The following GABRB3 variants were observed in gnomAD, a reference collection of about 807,000 sequenced individuals.
GABRB3 encodes gamma-aminobutyric acid receptor subunit beta-3.
A neutral mutation model predicts 52.1 loss-of-function variants in GABRB3; 14 were observed. The observed-to-expected ratio is 0.27, with a 90% CI of 0.18 to 0.42. The LOEUF is 0.42. Ranked by LOEUF, GABRB3 falls within the 10% of genes least tolerant of loss-of-function variation. GABRB3 has a pLI of 1.00. For missense variants in GABRB3, 307 were observed against 609.1 expected (o/e 0.50, Z 5.22); for synonymous variants, 260 against 232.3 (o/e 1.12, Z -1.08).
At chr15:26,752,844 G>T (rs781303456) in intron 3 of GABRB3, among the ~76,000 whole-genome samples, 12 of 152,014 alleles carry the variant, frequency 7.9e-5, no homozygotes, top group South Asian at 2.1e-4. Flanking sequence ...GACGCTACAC[G>T]CCAGGACAAC....
chr15:26,746,130 T>C (rs564797387), intron 3 of GABRB3, among the ~76,000 whole-genome samples: 13 of 152,368 alleles, frequency 8.5e-5, no homozygotes, highest in African/African-American at 3.1e-4. Flanking sequence ...GTGTCACTTT[T>C]TTTTTATTAT....
intron 3 of GABRB3, among the ~76,000 whole-genome samples, chr15:26,755,297 A>G (rs1454250817): frequency 6.6e-6 from 1 of 151,896 alleles, no homozygotes; most frequent in African/African-American, 2.4e-5. Flanking sequence ...GAGCCACCGC[A>G]CCCGGCCACC....
At chr15:26,701,571 A>G (rs1888937636) in intron 3 of GABRB3, among the ~76,000 whole-genome samples, 1 of 152,244 alleles carries the variant, frequency 6.6e-6, no homozygotes, top group African/African-American at 2.4e-5. Flanking sequence ...CAAATATTTC[A>G]GAGAAATTTT....
rs928704794 is a variant in GABRB3 at position 26,716,580 on chromosome 15, G to C, written c.240+55822C>G. ...CGTCTTCACCAACTTCTCACAGCCT[G>C]CCTCACATCAACTTGTGAATCCCAC... is the stretch of plus-strand genomic sequence containing the variant. On this transcript the variant is annotated intron_variant, in intron 3 of 8. Transcript: ENST00000311550. 3 of 992,614 alleles carry C rather than the reference G, an allele frequency of 3.0e-6. No individual in the cohort carries two copies. In the African/African-American group the frequency reaches 5.2e-5, roughly 17 times the overall value. The allele number at this position is 992,614 out of a possible 1,614,324, so 61.5% of individuals were successfully genotyped here.
At chr15:26,695,604 G>C (rs1296674012) in intron 3 of GABRB3, among the ~76,000 whole-genome samples, 2 of 151,526 alleles carry the variant, frequency 1.3e-5, no homozygotes, top group Non-Finnish European at 2.9e-5. Context: ...GTTCTTCAGA[G>C]AGAAAAAAAA....
rs116471333 is a variant in GABRB3 at position 26,643,549 on chromosome 15, C to T, written c.241-22015G>A. 1.7e-3 allele frequency among the ~76,000 whole-genome samples: 262 copies of T among 151,222 alleles called. 3 individuals are homozygous for T. Among genetic ancestry groups the T allele is most frequent in the African/African-American group, 6.1e-3 (249 of 41,106 alleles). ...CTCCCTCCCATGACACAGAGGTCAACGCTCCTATCATCAGCATTCTCTTTG... is the reference window on the plus strand; with the variant it reads ...CTCCCTCCCATGACACAGAGGTCAATGCTCCTATCATCAGCATTCTCTTTG... On this transcript the variant is annotated intron_variant, in intron 3 of 8. Transcript: ENST00000311550.
chr15:26,760,112 C>T (rs1890774081), intron 3 of GABRB3, among the ~76,000 whole-genome samples: 1 of 152,114 alleles, frequency 6.6e-6, no homozygotes, highest in Non-Finnish European at 1.5e-5. Flanking sequence ...GGTTCTACAC[C>T]CACCATGCTT....
At chr15:26,559,518 T>A (rs1018342728) in intron 8 of GABRB3, among the ~76,000 whole-genome samples, 16 of 150,534 alleles carry the variant, frequency 1.1e-4, no homozygotes, top group African/African-American at 3.9e-4. Flanking sequence ...AAAAAAAAAA[T>A]GTGGGAAGAA....
At chr15:26,706,626 T>TA (rs1889112206) in intron 3 of GABRB3, among the ~76,000 whole-genome samples, 1 of 152,216 alleles carries the variant, frequency 6.6e-6, no homozygotes, top group South Asian at 2.1e-4. Context: ...AACTTAGGTT[T>TA]AAAAAACGAG....
chr15:26,760,414 G>A (rs905547161), intron 3 of GABRB3, among the ~76,000 whole-genome samples: 7 of 152,052 alleles, frequency 4.6e-5, no homozygotes, highest in South Asian at 2.1e-4. Context: ...GGATCTAAAC[G>A]CTCTTACACC....
At chr15:26,730,289 G>A (rs1231397551) in intron 3 of GABRB3, among the ~76,000 whole-genome samples, 1 of 151,694 alleles carries the variant, frequency 6.6e-6, no homozygotes, top group Non-Finnish European at 1.5e-5. Context: ...GTGGTAGCGG[G>A]CGCCTGTAGT....
At chr15:26,642,404 G>C in intron 3 of GABRB3, 1 of 1,083,472 alleles carries the variant, frequency 9.2e-7, no homozygotes, top group Non-Finnish European at 1.2e-6. Context: ...TATACTGAGG[G>C]GCAACTGTGT....
intron 4 of GABRB3, among the ~76,000 whole-genome samples, chr15:26,598,233 G>A (rs1202917094): frequency 2.0e-5 from 3 of 151,424 alleles, no homozygotes; most frequent in South Asian, 2.1e-4. Flanking sequence ...TAAACTGGTC[G>A]AATAAGAATT....
At chr15:26,671,214 T>C (rs1887888973) in intron 3 of GABRB3, among the ~76,000 whole-genome samples, 2 of 152,244 alleles carry the variant, frequency 1.3e-5, no homozygotes. Context: ...GTCATTTTCC[T>C]TTCAGGTTCT....
chr15:26,754,120 A>G (rs1157557464), intron 3 of GABRB3, among the ~76,000 whole-genome samples: 1 of 152,196 alleles, frequency 6.6e-6, no homozygotes, highest in Non-Finnish European at 1.5e-5. Context: ...TTTAAAGGAG[A>G]TAGAGGGACT....
intron 4 of GABRB3, among the ~76,000 whole-genome samples, chr15:26,608,444 AC>A (rs780638523): frequency 4.6e-5 from 7 of 152,184 alleles, no homozygotes; most frequent in Non-Finnish European, 8.8e-5. Flanking sequence ...CAAAAATAGG[AC>A]AAATGAGACT....
At chr15:26,568,320 A>G (rs1890256587) in intron 6 of GABRB3, among the ~76,000 whole-genome samples, 1 of 152,132 alleles carries the variant, frequency 6.6e-6, no homozygotes, top group African/African-American at 2.4e-5. Flanking sequence ...GAGAGTCTCA[A>G]AGGAGCACCT....
At chr15:26,567,960 G>A (rs1378216350) in intron 6 of GABRB3, among the ~76,000 whole-genome samples, 3 of 152,212 alleles carry the variant, frequency 2.0e-5, no homozygotes, top group Non-Finnish European at 4.4e-5. Context: ...CTCTTCTAAG[G>A]CTAAACGCTC....
rs941187309 is a variant in GABRB3 at position 26,772,988 on chromosome 15, G to T, written c.-26C>A. 4.0e-5 allele frequency: 54 copies of T among 1,364,244 alleles called. No individual in the cohort carries two copies. Among genetic ancestry groups the T allele is most frequent in the African/African-American group, 6.1e-5 (4 of 65,818 alleles). The allele number at this position is 1,364,244 out of a possible 1,614,324, so 84.5% of individuals were successfully genotyped here. On this transcript the variant is annotated 5_prime_UTR_variant, in exon 1 of 9. Transcript: ENST00000311550. ...CCCTCCGCCGCGCCCCGGCACGGGGGAGGGGGCGCCCCGCCGCCGTCGCGA... is the reference window on the plus strand; with the variant it reads ...CCCTCCGCCGCGCCCCGGCACGGGGTAGGGGGCGCCCCGCCGCCGTCGCGA...
Sources: gnomAD v4.1 joint callset for allele counts (sites outside exome capture counted in the v4.1 genomes callset) on GRCh38, gnomAD v4.1.1 for gene constraint, MANE v1.5 for transcripts, NCBI Gene and HGNC (gene_info 2026-07-23, HGNC 2026-07-21) for gene names.